Variants in TEX14 observed in about 807,000 individuals in gnomAD.
TEX14 encodes the protein inactive serine/threonine-protein kinase TEX14.
Under a neutral mutation model 178.6 loss-of-function variants are expected in TEX14, and 168 were observed. The ratio of observed to expected loss-of-function variants is 0.94; its 90% CI spans 0.83 to 1.07. TEX14 has a LOEUF of 1.07. Ranked by LOEUF, TEX14 falls within the 50% of genes least tolerant of loss-of-function variation. The pLI, the probability that TEX14 is intolerant of heterozygous loss-of-function variation, is 0.00. For missense variants in TEX14, 1,730 were observed against 1,753.6 expected (o/e 0.99, Z 0.24); for synonymous variants, 626 against 634.1 (o/e 0.99, Z 0.19).
chr17:58,573,734 G>T (rs1164004674), intron 22 of TEX14, among the ~76,000 whole-genome samples: 1 of 152,084 alleles, frequency 6.6e-6, no homozygotes, highest in Admixed American at 6.6e-5. Flanking sequence ...GGCCAGGCTG[G>T]TCACGAACTC....
intron 1 of TEX14, among the ~76,000 whole-genome samples, chr17:58,680,690 C>T (rs1048896265): frequency 6.6e-6 from 1 of 152,072 alleles, no homozygotes; most frequent in African/African-American, 2.4e-5. Flanking sequence ...GAGCTGAGAT[C>T]ACGCCGCTGC....
rs538933943 is a variant in TEX14 at position 58,608,531 on chromosome 17, G to A, written c.1184+2630C>T. Among the ~76,000 whole-genome samples, 10 of 152,274 alleles carry A rather than the reference G, an allele frequency of 6.6e-5. No homozygotes were observed. In the South Asian group the frequency reaches 1.9e-3, roughly 28 times the overall value. ...TGGGAGGTTGCAGTGAGCCGAGATC[G>A]TGCCACTGCACTCCAGCCTGGGCGA... On this transcript the variant is annotated intron_variant, in intron 10 of 31. Transcript: ENST00000349033.
intron 13 of TEX14, among the ~76,000 whole-genome samples, chr17:58,600,640 G>T (rs889021419): frequency 4.0e-5 from 6 of 151,718 alleles, no homozygotes; most frequent in African/African-American, 1.5e-4. Context: ...AAAAATTTAT[G>T]CTAGGATTGA....
intron 2 of TEX14, among the ~76,000 whole-genome samples, chr17:58,646,610 T>C (rs139507858): frequency 4.3e-4 from 65 of 152,276 alleles, no homozygotes; most frequent in African/African-American, 1.5e-3. Flanking sequence ...GGACTACAGG[T>C]GTGTGCCATG....
chr17:58,559,033 G>C (rs1034934991), intron 30 of TEX14, among the ~76,000 whole-genome samples: 3 of 152,078 alleles, frequency 2.0e-5, no homozygotes, highest in Non-Finnish European at 4.4e-5. Context: ...AGCTGGGCAT[G>C]GTGGCATCCA....
chr17:58,579,818 AT>A, intron 19 of TEX14, 87 bp from the exon 20 acceptor site: 1 of 1,041,364 alleles, frequency 9.6e-7, no homozygotes, highest in Non-Finnish European at 1.5e-6. Flanking sequence ...ATGTTCTTAA[AT>A]CTTGAAAATC....
rs773278750 is a variant in TEX14, at chr17:58,623,016, G to C, written c.252-4C>G. The C allele has an allele frequency of 1.3e-6, 2 of 1,588,086 alleles. No homozygotes were observed. The highest frequency in any genetic ancestry group is 2.2e-5 in the South Asian group (2 of 90,174). On this transcript the variant is annotated splice_polypyrimidine_tract_variant and splice_region_variant and intron_variant, in intron 3 of 31. Coordinates refer to ENST00000349033, the MANE Select transcript of TEX14 (RefSeq NM_031272.5). ...GGTGCTCCCATCAAAGCAGCGGCTGGGGAGGGAGATGAGTACAATTGATGT... is the reference window on the plus strand; with the variant it reads ...GGTGCTCCCATCAAAGCAGCGGCTGCGGAGGGAGATGAGTACAATTGATGT...
chr17:58,642,786 A>G lies in TEX14; in HGVS notation c.136+9080T>C, dbSNP rs540248842. Among the ~76,000 whole-genome samples, 4 of 152,110 alleles carry G rather than the reference A, an allele frequency of 2.6e-5. No individual in the cohort carries two copies. In the South Asian group the frequency reaches 8.3e-4, roughly 32 times the overall value. On this transcript the variant is annotated intron_variant, in intron 2 of 31. Coordinates refer to ENST00000349033, the MANE Select transcript of TEX14 (RefSeq NM_031272.5). ...TCTTTCTGGAAACCTCTCACCATCC[A>G]TCCCTTGGCCTCCTCTGAGCAGTTT...
intron 30 of TEX14, among the ~76,000 whole-genome samples, chr17:58,558,165 G>A (rs370897154): frequency 1.3e-5 from 2 of 152,276 alleles, no homozygotes; most frequent in East Asian, 1.9e-4. Context: ...TCAGGGTTCT[G>A]GAGGAAACAG....
At chr17:58,623,389 C>T (rs2046049941) in intron 3 of TEX14, among the ~76,000 whole-genome samples, 1 of 152,162 alleles carries the variant, frequency 6.6e-6, no homozygotes, top group South Asian at 2.1e-4. Flanking sequence ...GTCTTCACAC[C>T]TGCAGTGTCC....
intron 21 of TEX14, among the ~76,000 whole-genome samples, chr17:58,576,078 G>C (rs1434133319): frequency 2.0e-5 from 3 of 152,106 alleles, no homozygotes; most frequent in African/African-American, 7.2e-5. Context: ...GGAAACTGAG[G>C]CCCAGAGAGA....
At chr17:58,596,856 C>A (rs981797191) in intron 14 of TEX14, among the ~76,000 whole-genome samples, 1 of 152,206 alleles carries the variant, frequency 6.6e-6, no homozygotes, top group African/African-American at 2.4e-5. Context: ...GCGGGAGGAT[C>A]GCTTGAGTCC....
intron 1 of TEX14, among the ~76,000 whole-genome samples, chr17:58,671,819 A>C (rs897023163): frequency 4.6e-5 from 7 of 151,978 alleles, no homozygotes; most frequent in Admixed American, 2.0e-4. Flanking sequence ...AGGTCTACTC[A>C]CTGCCAGAGA....
chr17:58,665,859 A>T (rs1216853979), intron 1 of TEX14, among the ~76,000 whole-genome samples: 1 of 152,124 alleles, frequency 6.6e-6, no homozygotes, highest in African/African-American at 2.4e-5. Flanking sequence ...CGGCCTGACC[A>T]ACGTAGTGAA....
intron 1 of TEX14, among the ~76,000 whole-genome samples, chr17:58,672,053 T>C (rs1032665354): frequency 3.3e-5 from 5 of 152,178 alleles, no homozygotes; most frequent in Non-Finnish European, 5.9e-5. Flanking sequence ...GATGAAACTG[T>C]TCCACCTCAG....
At chr17:58,632,154 A>G (rs2046335957) in intron 2 of TEX14, among the ~76,000 whole-genome samples, 1 of 152,236 alleles carries the variant, frequency 6.6e-6, no homozygotes, top group African/African-American at 2.4e-5. Context: ...ACCGTCAGGG[A>G]AACTGCCCGG....
At chr17:58,601,014 G>C (rs904468176) in intron 13 of TEX14, among the ~76,000 whole-genome samples, 1 of 151,968 alleles carries the variant, frequency 6.6e-6, no homozygotes, top group African/African-American at 2.4e-5. Flanking sequence ...TTTGGGAGGC[G>C]AAAGTGGGAG....
intron 7 of TEX14, 56 bp downstream of exon 7, chr17:58,616,119 A>C: frequency 6.4e-7 from 1 of 1,558,626 alleles, no homozygotes; most frequent in Non-Finnish European, 8.7e-7. Flanking sequence ...AGTCACATGC[A>C]GCCCACTCTT....
intron 18 of TEX14, 65 bp downstream of exon 18, chr17:58,585,736 G>C: frequency 6.5e-7 from 1 of 1,528,184 alleles, no homozygotes; most frequent in Non-Finnish European, 8.9e-7. Context: ...ATTACAGGCT[G>C]AGCCACCTCG....
Sources: gnomAD v4.1 joint callset for allele counts (sites outside exome capture counted in the v4.1 genomes callset) on GRCh38, gnomAD v4.1.1 for gene constraint, MANE v1.5 for transcripts, NCBI Gene and HGNC (gene_info 2026-07-23, HGNC 2026-07-21) for gene names.